Variants in TMPRSS15 observed in about 807,000 individuals in gnomAD.
The protein encoded by TMPRSS15 is transmembrane serine protease 15, also known as enteropeptidase.
In TMPRSS15, 128 loss-of-function variants were observed where a neutral mutation model predicts 125.3. The observed-to-expected ratio is 1.02, with a 90% CI of 0.89 to 1.18. The LOEUF is 1.18. Among genes scored for constraint, TMPRSS15 ranks in the 50% most tolerant of loss-of-function variants. The probability of loss-of-function intolerance (pLI) is 0.00; values close to 1 mark genes in which losing one functional copy is unlikely to be tolerated. For synonymous variants in TMPRSS15, 446 were observed against 423.2 expected (o/e 1.05, Z -0.66); for missense variants, 1,283 against 1,212.7 (o/e 1.06, Z -0.86).
At chr21:18,465,178 G>A (rs1480828244) in intron 1 of TMPRSS15, among the ~76,000 whole-genome samples, 3 of 152,082 alleles carry the variant, frequency 2.0e-5, no homozygotes, top group African/African-American at 7.2e-5. Flanking sequence ...TATCTCAATA[G>A]ATGCAGAAAA....
chr21:18,388,954 A>T (rs997534556), intron 3 of TMPRSS15, among the ~76,000 whole-genome samples: 9 of 152,104 alleles, frequency 5.9e-5, no homozygotes, highest in African/African-American at 1.9e-4. Context: ...GAGGGAAGGG[A>T]CTATGTACTG....
chr21:18,473,808 A>AT (rs752730220), intron 1 of TMPRSS15, among the ~76,000 whole-genome samples: 2 of 151,968 alleles, frequency 1.3e-5, no homozygotes, highest in African/African-American at 2.4e-5. Context: ...AAGTAAGGAG[A>AT]TTTTTTAAAA....
At chr21:18,302,170 T>A (rs1568993447) in intron 18 of TMPRSS15, among the ~76,000 whole-genome samples, 1 of 152,202 alleles carries the variant, frequency 6.6e-6, no homozygotes, top group Non-Finnish European at 1.5e-5. Flanking sequence ...ATACTGCAAC[T>A]AGGCACTGTA....
At chr21:18,405,804 G>T (rs2076150146), upstream of TMPRSS15, among the ~76,000 whole-genome samples, 2 of 151,994 alleles carry the variant, frequency 1.3e-5, no homozygotes, top group African/African-American at 4.8e-5. Context: ...AAATATAGAA[G>T]AATGTCTTTC....
At chr21:18,412,805 T>TATTA (rs1287237396) in intron 1 of TMPRSS15, among the ~76,000 whole-genome samples, 1 of 152,186 alleles carries the variant, frequency 6.6e-6, no homozygotes, top group Non-Finnish European at 1.5e-5. Context: ...AAGGCTGCAT[T>TATTA]ATTAAGTCAT....
chr21:18,313,982 A>G (rs2075130565), intron 17 of TMPRSS15, among the ~76,000 whole-genome samples: 1 of 152,120 alleles, frequency 6.6e-6, no homozygotes, highest in Non-Finnish European at 1.5e-5. Flanking sequence ...ACCATTTTGA[A>G]CAGAATTTTA....
intron 17 of TMPRSS15, 149 bp from the exon 18 acceptor site, chr21:18,313,226 A>C (rs1300882998): frequency 2.8e-6 from 2 of 702,486 alleles, no homozygotes; most frequent in East Asian, 5.4e-5. Context: ...ATAGTTAATA[A>C]TAATGTATTG....
At chr21:18,407,318 G>A (rs1473500449), upstream of TMPRSS15, among the ~76,000 whole-genome samples, 4 of 151,950 alleles carry the variant, frequency 2.6e-5, no homozygotes, top group Admixed American at 1.3e-4. Context: ...TAAAAAAATA[G>A]ATCAAAAGTT....
rs746752658 is a variant in TMPRSS15, at chr21:18,398,159, A to T, written c.276+40T>A. The T allele has an allele frequency of 1.7e-5, 27 of 1,611,080 alleles. No individual in the cohort carries two copies. In the East Asian group the frequency reaches 5.8e-4, roughly 35 times the overall value. On this transcript the variant is annotated intron_variant, in intron 2 of 24. Transcript: ENST00000284885. ...AATGGTGTTTTCAGCAAGTAGTTAA[A>T]CTGTGTTATAAAATTTGAAACCAGC...
intron 8 of TMPRSS15, among the ~76,000 whole-genome samples, chr21:18,355,033 A>G (rs2075610717): frequency 6.6e-6 from 1 of 151,886 alleles, no homozygotes; most frequent in Non-Finnish European, 1.5e-5. Flanking sequence ...GCATTGATTC[A>G]CATCTTAATG....
At chr21:18,285,477 C>A (rs117875843) in intron 21 of TMPRSS15, among the ~76,000 whole-genome samples, 1,910 of 152,310 alleles carry the variant, frequency 0.013, 22 homozygotes, top group Non-Finnish European at 0.018. Context: ...GCAACCTCAA[C>A]AACTTTGCAC....
At chr21:18,409,879 CTCCCTCCCTCCCTTCCTTCCTTCT>C (rs2076161220) in intron 1 of TMPRSS15, among the ~76,000 whole-genome samples, 5 of 102,656 alleles carry the variant, frequency 4.9e-5, no homozygotes, top group Non-Finnish European at 9.8e-5. Flanking sequence ...CCTCCCTTCC[CTCCCTCCCTCCCTTCCTTCCTTCT>C]TCCCTCCCTC....
chr21:18,360,060 A>G (rs1443388912), intron 7 of TMPRSS15, among the ~76,000 whole-genome samples, 197 bp from the exon 8 acceptor site: 1 of 152,060 alleles, frequency 6.6e-6, no homozygotes, highest in African/African-American at 2.4e-5. Flanking sequence ...GAACTCTTTC[A>G]GGACTGAAAC....
intron 3 of TMPRSS15, 40 bp downstream of exon 3, chr21:18,397,839 C>A: frequency 8.8e-7 from 1 of 1,142,230 alleles, no homozygotes; most frequent in Non-Finnish European, 1.3e-6. Context: ...AAAAAAATCA[C>A]TAATTTTCCA....
At chr21:18,482,614 ATTCC>A (rs1340333813) in intron 1 of TMPRSS15, among the ~76,000 whole-genome samples, 1 of 151,654 alleles carries the variant, frequency 6.6e-6, no homozygotes, top group Non-Finnish European at 1.5e-5. Context: ...TTAATTTTAT[ATTCC>A]TTCAATTTTT....
intron 13 of TMPRSS15, among the ~76,000 whole-genome samples, chr21:18,340,843 T>G (rs2075438710): frequency 6.6e-6 from 1 of 152,188 alleles, no homozygotes; most frequent in African/African-American, 2.4e-5. Flanking sequence ...AACCAGCTCC[T>G]TTATTACTTT....
intron 1 of TMPRSS15, among the ~76,000 whole-genome samples, chr21:18,479,993 G>A (rs1978950929): frequency 6.6e-6 from 1 of 152,000 alleles, no homozygotes; most frequent in African/African-American, 2.4e-5. Context: ...CAACCCAAAT[G>A]CCCATCAATG....
At chr21:18,376,917 A>G (rs2075850593) in intron 5 of TMPRSS15, among the ~76,000 whole-genome samples, 1 of 152,220 alleles carries the variant, frequency 6.6e-6, no homozygotes, top group Non-Finnish European at 1.5e-5. Context: ...TATCAGGTAT[A>G]TGATGCATGC....
chr21:18,443,339 G>A (rs2076247199), intron 1 of TMPRSS15, among the ~76,000 whole-genome samples: 1 of 152,130 alleles, frequency 6.6e-6, no homozygotes, highest in Admixed American at 6.5e-5. Flanking sequence ...AGGGAAGAGT[G>A]AAGCTGGCAC....
Sources: allele counts gnomAD v4.1 joint callset (sites outside exome capture counted in the v4.1 genomes callset), GRCh38; gene constraint gnomAD v4.1.1; transcripts MANE v1.5; gene names NCBI Gene and HGNC (gene_info 2026-07-23, HGNC 2026-07-21).